The following CT55 variants were observed in gnomAD, a reference collection of about 807,000 sequenced individuals.
CT55 encodes cancer/testis antigen 55, also known as BRCA2-interacting protein.
Under a neutral mutation model 12.6 loss-of-function variants are expected in CT55, and 1 was observed. The observed-to-expected ratio is 0.08, with a 90% CI of 0.03 to 0.38. The LOEUF (loss-of-function observed/expected upper bound fraction) is 0.38. Among genes scored for constraint, CT55 ranks in the 10% least tolerant of loss-of-function variants. CT55 has a pLI of 0.99. For synonymous variants in CT55, 43 were observed against 49.7 expected, an observed-to-expected ratio of 0.87 and a Z score of 0.57; for missense variants, 109 against 135.4, an observed-to-expected ratio of 0.80 and a Z score of 0.97.
intron 1 of CT55, among the ~76,000 whole-genome samples, chrX:135,170,007 A>C (rs1352212357): frequency 9.0e-6 from 1 of 111,682 alleles, no homozygotes; most frequent in Non-Finnish European, 1.9e-5. Flanking sequence ...TTTAATTTTT[A>C]ATTATTTTTT....
chrX:135,166,777 T>C (rs1443528102), intron 2 of CT55, among the ~76,000 whole-genome samples: 1 of 111,302 alleles, frequency 9.0e-6, no homozygotes, highest in Non-Finnish European at 1.9e-5. Flanking sequence ...ACAACCAACA[T>C]ACAAGAATCA....
At chrX:135,160,153 TA>T (rs782537521) in intron 3 of CT55, among the ~76,000 whole-genome samples, 8 of 111,796 alleles carry the variant, frequency 7.2e-5, no homozygotes, top group Non-Finnish European at 1.3e-4. Context: ...GATTAGAAAT[TA>T]AATTCTCATA....
At chrX:135,160,209 T>C (rs2083556767) in intron 3 of CT55, among the ~76,000 whole-genome samples, 1 of 111,354 alleles carries the variant, frequency 9.0e-6, no homozygotes, top group African/African-American at 3.3e-5. Flanking sequence ...ATTGAACAAA[T>C]GAACACACAA....
intron 4 of CT55, 93 bp downstream of exon 4, chrX:135,158,106 C>G: frequency 2.1e-6 from 1 of 476,902 alleles, no homozygotes; most frequent in Non-Finnish European, 3.6e-6. Context: ...TTCTGGAATT[C>G]CCATTATACC....
intron 4 of CT55, 32 bp downstream of exon 4, chrX:135,158,167 A>G: frequency 1.1e-6 from 1 of 931,500 alleles, no homozygotes; most frequent in Non-Finnish European, 1.6e-6. Flanking sequence ...GTTAGCAGAA[A>G]CTGCTGACGG....
At chrX:135,165,040 C>A (rs1398168318) in intron 2 of CT55, among the ~76,000 whole-genome samples, 1 of 112,034 alleles carries the variant, frequency 8.9e-6, no homozygotes, top group Admixed American at 9.4e-5. Context: ...AACATTGACC[C>A]CACAAAAAGT....
At chrX:135,170,606 G>T (rs1270548239) in intron 1 of CT55, among the ~76,000 whole-genome samples, 1 of 109,592 alleles carries the variant, frequency 9.1e-6, no homozygotes, top group African/African-American at 3.3e-5. Context: ...TTCTGCACAA[G>T]CCTAGCTGAT....
chrX:135,163,895 G>C (rs1250424050), intron 2 of CT55, among the ~76,000 whole-genome samples: 1 of 110,274 alleles, frequency 9.1e-6, no homozygotes, highest in Non-Finnish European at 1.9e-5. Flanking sequence ...CCAGGAGAGA[G>C]TAGTATAGTA....
intron 2 of CT55, among the ~76,000 whole-genome samples, chrX:135,165,720 CA>C (rs2083580387): frequency 3.6e-5 from 4 of 110,137 alleles, no homozygotes; most frequent in Admixed American, 1.9e-4. Flanking sequence ...TAACTAAAAT[CA>C]AAGATGAAAA....
chrX:135,158,171 C>T lies in CT55; in HGVS notation c.537+28G>A, dbSNP rs373445068. On this transcript the variant is annotated intron_variant, in intron 4 of 5. Transcript: ENST00000276241. ...CCAAAGGAAGAGTTAGCAGAAACTG[C>T]TGACGGGAGCAACAGGAAAGAAATT... 3.2e-5 allele frequency: 31 copies of T among 973,339 alleles called. No homozygotes were observed. In the African/African-American group the frequency reaches 5.3e-4, roughly 17 times the overall value. The allele number at this position is 973,339 out of a possible 1,213,427, so 80.2% of individuals were successfully genotyped here.
Position 135,158,135 on chromosome X carries a change from G to T in CT55, c.537+64C>A. 9 of 674,311 alleles carry T rather than the reference G, an allele frequency of 1.3e-5. No individual in the cohort carries two copies. The South Asian group carries it at 2.4e-4, about 18-fold the overall frequency. The allele number at this position is 674,311 out of a possible 1,213,427, so 55.6% of individuals were successfully genotyped here. A position where few individuals can be genotyped will look rare whatever the true frequency, so the allele number is the denominator to read the frequency against. ...TTATACCCAACAGAATCCTGGTCAC[G>T]TAAATTATCACCAAAGGAAGAGTTA... On this transcript the variant is annotated intron_variant, in intron 4 of 5. Coordinates refer to ENST00000276241, the MANE Select transcript of CT55 (RefSeq NM_001031705.3).
intron 2 of CT55, among the ~76,000 whole-genome samples, chrX:135,164,654 G>T (rs782177156): frequency 1.9e-4 from 21 of 111,873 alleles, no homozygotes; most frequent in Non-Finnish European, 2.1e-4. Flanking sequence ...CATTTAAAAA[G>T]CAACAACAAA....
At chrX:135,171,541 G>A (rs1556406857), upstream of CT55, 2 of 152,622 alleles carry the variant, frequency 1.3e-5, no homozygotes, top group Non-Finnish European at 2.5e-5. Flanking sequence ...GGAGCCATTA[G>A]GATGGCCTGG....
intron 1 of CT55, among the ~76,000 whole-genome samples, chrX:135,170,389 G>T (rs2083605845): frequency 8.9e-6 from 1 of 111,920 alleles, no homozygotes; most frequent in East Asian, 2.8e-4. Context: ...TTACCTGTTA[G>T]CATTTCTACA....
chrX:135,159,254 T>G (rs2083551590), intron 3 of CT55, among the ~76,000 whole-genome samples: 1 of 110,683 alleles, frequency 9.0e-6, no homozygotes, highest in Non-Finnish European at 1.9e-5. Context: ...ATAATTTACA[T>G]ACATTTCTTT....
Position 135,160,554 on chromosome X carries a change from A to G in CT55, c.281T>C (p.Val94Ala). ...ATAAAGATGGCGAGGCACAACATCC[A>G]CCTGTAAGATTTAGGAAAGAGTTTA... ...KPHYGLRAIK[V>A]DVVPRHLYGA... is the part of the protein sequence containing the mutation. The change falls in exon 3 of 6, where the codon GTG becomes GCG. Residue 94 changes from valine (V) to alanine (A), a missense_variant and splice_region_variant. Val to Ala is a moderately conservative substitution (Grantham distance 64). Coordinates refer to ENST00000276241, the MANE Select transcript of CT55 (RefSeq NM_001031705.3). 8.4e-7 allele frequency: 1 copy of G among 1,184,280 alleles called. No homozygotes were observed. The highest frequency in any genetic ancestry group is 1.1e-6 in the Non-Finnish European group (1 of 887,579).
chrX:135,169,620 G>A lies in CT55; in HGVS notation c.253C>T (p.Pro85Ser). The change falls in exon 2 of 6, where the codon CCA (proline) becomes TCA (serine). Residue 85 changes from proline to serine, a missense_variant. Transcript: ENST00000276241. ...KVNVVVEEDK[P>S]HYGLRAIKVD... ...TTGATTGCTCTCAATCCATAATGTGGTTTATCTTCTTCCACAACCACATTA... is the reference window on the plus strand; with the variant it reads ...TTGATTGCTCTCAATCCATAATGTGATTTATCTTCTTCCACAACCACATTA... 8.3e-7 allele frequency: 1 copy of A among 1,208,302 alleles called. No homozygotes were observed. Among genetic ancestry groups the A allele is most frequent in the African/African-American group, 1.7e-5 (1 of 57,690 alleles).
In CT55 at chrX:135,170,195, C is replaced by T. The variant is rs1373801128; in HGVS notation, c.95-417G>A. 3.6e-5 allele frequency among the ~76,000 whole-genome samples: 4 copies of T among 110,254 alleles called. No homozygotes were observed. In the East Asian group the frequency reaches 8.6e-4, roughly 24 times the overall value. ...CTAATTTTTGAATTGTTAATAGAGA[C>T]GGGGTTTTGCCATGTTGCCCAGGCT... On this transcript the variant is annotated intron_variant, in intron 1 of 5. Transcript: ENST00000276241.
At chrX:135,159,156 C>T (rs2083550702) in intron 3 of CT55, among the ~76,000 whole-genome samples, 1 of 111,197 alleles carries the variant, frequency 9.0e-6, no homozygotes, top group African/African-American at 3.3e-5. Flanking sequence ...AACATTTCTT[C>T]ACCTTAGGAC....
Sources: allele counts gnomAD v4.1 joint callset (sites outside exome capture counted in the v4.1 genomes callset), GRCh38; gene constraint gnomAD v4.1.1; transcripts MANE v1.5; gene names NCBI Gene and HGNC (gene_info 2026-07-23, HGNC 2026-07-21).